GSDMD: variants seen among roughly 807,000 people sequenced by gnomAD.
The protein encoded by GSDMD is gasdermin D, also known as gasdermin-D.
GSDMD carries 46 observed loss-of-function variants against 46.7 expected under a neutral mutation model. That is an observed-to-expected ratio of 0.99 (90% CI 0.78 to 1.26). The LOEUF (loss-of-function observed/expected upper bound fraction) is 1.26. GSDMD is among the 50% of genes most tolerant of loss of function. The pLI is 0.00. For synonymous variants in GSDMD, 307 were observed against 283.1 expected, an observed-to-expected ratio of 1.08 and a Z score of -0.85; for missense variants, 649 against 638.8, an observed-to-expected ratio of 1.02 and a Z score of -0.17.
upstream of GSDMD, chr8:143,558,044 G>A (rs889184937): frequency 1.3e-5 from 5 of 380,464 alleles, no homozygotes; most frequent in East Asian, 2.3e-4. Context: ...ACAGGCATGC[G>A]CCACCACGCC....
In GSDMD at chr8:143,561,962, G is replaced by A. The variant is rs773763225; in HGVS notation, c.827G>A (p.Gly276Glu). Residue 276 changes from glycine to glutamate, a missense_variant, in exon 8 of 11, where the codon GGG (glycine) becomes GAG (glutamate). By Grantham distance (98) the Gly-to-Glu change is moderately conservative. Coordinates refer to ENST00000262580, the MANE Select transcript of GSDMD (RefSeq NM_024736.7). ...GCCAGCCCTTCTGTCCCTACAGATG[G>A]GGTCCCTGCGGAGGGGGCGTTCACT... ...MRCLHNFLTD[G>E]VPAEGAFTED... 11 of 1,608,682 alleles carry A rather than the reference G, an allele frequency of 6.8e-6. No individual in the cohort carries two copies. The highest frequency in any genetic ancestry group is 2.7e-5 in the African/African-American group (2 of 74,842).
At chr8:143,560,794 C>T (rs559113489) in intron 4 of GSDMD, 23 bp downstream of exon 4, 45 of 1,500,546 alleles carry the variant, frequency 3.0e-5, no homozygotes, top group African/African-American at 2.3e-4. Flanking sequence ...CCCCGGGCCA[C>T]GCCTGGCCCC....
intron 1 of GSDMD, 48 bp downstream of exon 1, chr8:143,558,499 T>C (rs1467834691): frequency 7.1e-7 from 1 of 1,405,232 alleles, no homozygotes; most frequent in Non-Finnish European, 9.2e-7. Flanking sequence ...AGCTCCCGAG[T>C]GGGGCCGGCC....
At chr8:143,559,280 T>C in intron 1 of GSDMD, 52 bp from the exon 2 acceptor site, 13 of 579,410 alleles carry the variant, frequency 2.2e-5, no homozygotes, top group Non-Finnish European at 3.2e-5. Context: ...CTTCTCCCAC[T>C]CCCTCCCGCC....
chr8:143,561,734 C>T lies in GSDMD; in HGVS notation c.737-8C>T. 1 of 1,602,420 alleles carries T rather than the reference C, an allele frequency of 6.2e-7. No homozygotes were observed. Among genetic ancestry groups the T allele is most frequent in the Non-Finnish European group, 8.5e-7 (1 of 1,175,274 alleles). ...TGACCAGCCCTGCCCTCCCATGCCC[C>T]TGCCCAGGCCACAAGCGTTCCACGA... On this transcript the variant is annotated splice_region_variant and splice_polypyrimidine_tract_variant and intron_variant, in intron 6 of 10. Coordinates refer to ENST00000262580, the MANE Select transcript of GSDMD (RefSeq NM_024736.7).
rs1451293948 is a variant in GSDMD, at chr8:143,562,001, G to A, written c.866G>A (p.Gly289Asp). ...AEGAFTEDFQGLRAEVETISK... is the reference protein window; with the variant it reads ...AEGAFTEDFQDLRAEVETISK... Reference sequence around the variant, plus strand: ...GGGGCGTTCACTGAAGACTTCCAGGGCCTACGGGCAGAGGTGGAGACCATC... The same window carrying A: ...GGGGCGTTCACTGAAGACTTCCAGGACCTACGGGCAGAGGTGGAGACCATC... Residue 289 changes from glycine to aspartate, a missense_variant, in exon 8 of 11, where the codon GGC becomes GAC. Physicochemically the swap from Gly to Asp is moderately conservative, Grantham distance 94. Coordinates refer to ENST00000262580, the MANE Select transcript of GSDMD (RefSeq NM_024736.7). 1 of 1,606,294 alleles carries A rather than the reference G, an allele frequency of 6.2e-7. No homozygotes were observed. The highest frequency in any genetic ancestry group is 1.3e-5 in the African/African-American group (1 of 74,982).
intron 4 of GSDMD, 48 bp from the exon 5 acceptor site, chr8:143,560,954 C>G: frequency 6.3e-7 from 1 of 1,577,588 alleles, no homozygotes; most frequent in Non-Finnish European, 8.7e-7. Flanking sequence ...ACCCGCACCC[C>G]ACGGCCCGGT....
chr8:143,554,202 G>C (rs765154344), upstream of GSDMD, among the ~76,000 whole-genome samples: 13 of 152,272 alleles, frequency 8.5e-5, no homozygotes, highest in Non-Finnish European at 1.2e-4. Context: ...TGCGCACCGT[G>C]ACCTGCACAT....
At chr8:143,558,334 C>G, upstream of GSDMD, 1 of 1,523,684 alleles carries the variant, frequency 6.6e-7, no homozygotes, top group Admixed American at 2.0e-5. Context: ...TGGGCGGGCC[C>G]TGCGTCAGGT....
Position 143,561,968 on chromosome 8 carries a change from C to A in GSDMD, c.833C>A (p.Pro278His). 6.2e-7 allele frequency: 1 copy of A among 1,609,040 alleles called. No homozygotes were observed. The highest frequency in any genetic ancestry group is 8.5e-7 in the Non-Finnish European group (1 of 1,178,450). The change falls in exon 8 of 11, where the codon CCT (proline) becomes CAT (histidine). Residue 278 changes from proline to histidine, a missense_variant. Physicochemically the swap from Pro to His is moderately conservative, Grantham distance 77 (BLOSUM62 -2). Coordinates refer to ENST00000262580, the MANE Select transcript of GSDMD (RefSeq NM_024736.7). ...CLHNFLTDGV[P>H]AEGAFTEDFQ... ...CCTTCTGTCCCTACAGATGGGGTCC[C>A]TGCGGAGGGGGCGTTCACTGAAGAC...
At chr8:143,557,873 C>T (rs148326989), upstream of GSDMD, 839 of 423,072 alleles carry the variant, frequency 2.0e-3, 16 homozygotes, top group Admixed American at 0.02. Context: ...CCAGACCCTT[C>T]GGCACAGGCC....
chr8:143,558,624 C>A, intron 1 of GSDMD, 173 bp downstream of exon 1: 1 of 652,260 alleles, frequency 1.5e-6, no homozygotes, highest in Non-Finnish European at 2.5e-6. Flanking sequence ...CCCTGGCCAG[C>A]CCAGGGGCCC....
At chr8:143,558,301 G>A (rs914296732), upstream of GSDMD, 31 of 1,510,406 alleles carry the variant, frequency 2.1e-5, no homozygotes, top group Middle Eastern at 1.8e-4. Context: ...CGGGCTCTCC[G>A]GGACGGTTCC....
intron 3 of GSDMD, 67 bp downstream of exon 3, chr8:143,560,036 T>G: frequency 7.4e-7 from 1 of 1,356,726 alleles, no homozygotes; most frequent in Non-Finnish European, 1.0e-6. Context: ...TTTTATTTAT[T>G]TATTTATTTA....
chr8:143,559,375 C>G lies in GSDMD; in HGVS notation c.40C>G (p.Gln14Glu). 1 of 1,606,194 alleles carries G rather than the reference C, an allele frequency of 6.2e-7. No homozygotes were observed. Among genetic ancestry groups the G allele is most frequent in the Non-Finnish European group, 8.5e-7 (1 of 1,176,330 alleles). ...TGAGCGGGTAGTCCGGAGAGTGGTCCAGGAGCTGGACCATGGTGGGGAGTT... is the reference window on the plus strand; with the variant it reads ...TGAGCGGGTAGTCCGGAGAGTGGTCGAGGAGCTGGACCATGGTGGGGAGTT... ...AFERVVRRVV[Q>E]ELDHGGEFIP... The change falls in exon 2 of 11, where the codon CAG (glutamine) becomes GAG (glutamate). Residue 14 changes from glutamine (Q) to glutamate (E), a missense_variant. Gln to Glu is a conservative substitution (Grantham distance 29). Coordinates refer to ENST00000262580, the MANE Select transcript of GSDMD (RefSeq NM_024736.7).
intron 3 of GSDMD, 97 bp from the exon 4 acceptor site, chr8:143,560,506 C>G: frequency 7.3e-7 from 1 of 1,365,514 alleles, no homozygotes; most frequent in Non-Finnish European, 9.9e-7. Flanking sequence ...TGGAGGGCCC[C>G]TCTGCACCAC....
In GSDMD at chr8:143,559,527, C is replaced by T. The variant is rs201194535; in HGVS notation, c.192C>T (p.Ile64=). The change falls in exon 2 of 11, where the codon ATC becomes ATT. Residue 64 remains isoleucine (I), a synonymous_variant. Transcript: ENST00000262580. ...YKCVNLSIKD[I]LEPDAAEPDV... ...GTGTCAACCTGTCTATCAAGGACAT[C>T]CTGGAGCCGGATGCCGCGGAACCAG... 9.9e-6 allele frequency: 16 copies of T among 1,612,630 alleles called. No individual in the cohort carries two copies. The highest frequency in any genetic ancestry group is 8.9e-5 in the East Asian group (4 of 44,904).
intron 3 of GSDMD, 200 bp downstream of exon 3, chr8:143,560,169 A>G (rs2130568061): frequency 1.4e-6 from 1 of 707,564 alleles, no homozygotes; most frequent in South Asian, 1.5e-5. Context: ...CCACTGTGCC[A>G]GGTCCCAGCC....
At chr8:143,556,952 C>G (rs919198998), upstream of GSDMD, among the ~76,000 whole-genome samples, 1 of 152,268 alleles carries the variant, frequency 6.6e-6, no homozygotes, top group Non-Finnish European at 1.5e-5. Flanking sequence ...CGGCCAATAT[C>G]AAAACACTTC....
Sources: gnomAD v4.1 joint callset for allele counts (sites outside exome capture counted in the v4.1 genomes callset) on GRCh38, gnomAD v4.1.1 for gene constraint, MANE v1.5 for transcripts, NCBI Gene and HGNC (gene_info 2026-07-23, HGNC 2026-07-21) for gene names.